The following ASXL3 variants were observed in gnomAD, a reference collection of about 807,000 sequenced individuals.
ASXL3 encodes ASXL transcriptional regulator 3, also known as putative Polycomb group protein ASXL3.
ASXL3 carries 34 observed loss-of-function variants against 170.6 expected under a neutral mutation model. The observed-to-expected ratio is 0.20, with a 90% CI of 0.15 to 0.27. The LOEUF is 0.27. Among genes scored for constraint, ASXL3 ranks in the 10% least tolerant of loss-of-function variants. The pLI is 1.00. For missense variants in ASXL3, 2,592 were observed against 2,695.3 expected, an observed-to-expected ratio of 0.96 and a Z score of 0.85; for synonymous variants, 1,002 against 989.1, an observed-to-expected ratio of 1.01 and a Z score of -0.24.
chr18:33,745,552 C>T lies in ASXL3; in HGVS notation c.5704C>T (p.Pro1902Ser). ...GGTCAAACAGCAAAAGCGGCTGCTC[C>T]CCTCGTGTAGCTTCCAGCAGAACCT... is the stretch of plus-strand genomic sequence containing the variant. ...PEVKQQKRLL[P>S]SCSFQQNLFH... The change falls in exon 12 of 12, where the codon CCC (proline) becomes TCC (serine). Residue 1902 changes from proline to serine, a missense_variant. Transcript: ENST00000269197. The T allele has an allele frequency of 2.5e-6, 4 of 1,613,960 alleles. No individual in the cohort carries two copies. The highest frequency in any genetic ancestry group is 3.4e-6 in the Non-Finnish European group (4 of 1,179,898).
At chr18:33,676,222 CAAAAAAA>C (rs568221465) in intron 7 of ASXL3, among the ~76,000 whole-genome samples, 7 of 41,730 alleles carry the variant, frequency 1.7e-4, no homozygotes, top group Admixed American at 1.7e-3. Context: ...GACTCCGTCT[CAAAAAAA>C]AAAAAAAAAA....
At chr18:33,590,243 G>A (rs1375545767) in intron 1 of ASXL3, among the ~76,000 whole-genome samples, 3 of 150,898 alleles carry the variant, frequency 2.0e-5, no homozygotes, top group Admixed American at 1.3e-4. Context: ...AGCCACGACA[G>A]CCTAAAGACA....
At chr18:33,687,083 A>G (rs537953700) in intron 8 of ASXL3, among the ~76,000 whole-genome samples, 1 of 152,290 alleles carries the variant, frequency 6.6e-6, no homozygotes, top group East Asian at 1.9e-4. Flanking sequence ...CAGCTATGAA[A>G]TGGGATTGTT....
In ASXL3 at chr18:33,589,164, G is replaced by C. The variant is rs538715156; in HGVS notation, c.54+10479G>C. Among the ~76,000 whole-genome samples the C allele has an allele frequency of 6.6e-5, 10 of 152,248 alleles. No homozygotes were observed. In the East Asian group the frequency reaches 9.6e-4, roughly 15 times the overall value. ...TGCCACTTACTATGTGTTTGACCTT[G>C]AGAAAGTTACATAACATCTCTCAAT... On this transcript the variant is annotated intron_variant, in intron 1 of 11. Coordinates refer to ENST00000269197, the MANE Select transcript of ASXL3 (RefSeq NM_030632.3).
intron 5 of ASXL3, among the ~76,000 whole-genome samples, chr18:33,666,283 T>TC (rs796618674): frequency 1.3e-3 from 205 of 152,158 alleles, no homozygotes; most frequent in African/African-American, 4.6e-3. Flanking sequence ...CTCATTTATA[T>TC]CCCCCCCTGA....
chr18:33,732,147 T>C (rs2067460264), intron 9 of ASXL3, 83 bp downstream of exon 9: 1 of 1,058,534 alleles, frequency 9.4e-7, no homozygotes, highest in Admixed American at 2.5e-5. Context: ...GATTTTTCAG[T>C]CTTTTCCCCG....
rs1051111101 is a variant in ASXL3 at position 33,744,573 on chromosome 18, C to T, written c.4725C>T (p.Pro1575=). The T allele has an allele frequency of 6.2e-7, 1 of 1,611,412 alleles. No homozygotes were observed. The highest frequency in any genetic ancestry group is 8.5e-7 in the Non-Finnish European group (1 of 1,179,034). The part of the protein sequence containing the change: ...VPDKLNEPTA[P]SHNFAEQARG... ...ATAAATTAAATGAGCCGACTGCTCC[C>T]AGTCATAACTTTGCTGAGCAGGCAC... The change falls in exon 12 of 12, where the codon CCC becomes CCT. Residue 1575 remains proline, a synonymous_variant. Transcript: ENST00000269197.
chr18:33,580,332 A>G (rs1217403439), intron 1 of ASXL3, among the ~76,000 whole-genome samples: 1 of 152,196 alleles, frequency 6.6e-6, no homozygotes, highest in Non-Finnish European at 1.5e-5. Context: ...AGCATAGTAC[A>G]TTACTTATTG....
chr18:33,624,300 T>C (rs911312566), intron 2 of ASXL3, among the ~76,000 whole-genome samples: 1 of 152,020 alleles, frequency 6.6e-6, no homozygotes, highest in Non-Finnish European at 1.5e-5. Flanking sequence ...ACTCAGCATT[T>C]TTTTTTTTTA....
At position 33,644,987 on chromosome 18, in the gene ASXL3, C is replaced by A; in HGVS notation, c.231C>A (p.Gly77=). 3 of 1,553,464 alleles carry A rather than the reference C, an allele frequency of 1.9e-6. No individual in the cohort carries two copies. The highest frequency in any genetic ancestry group is 2.3e-5 in the East Asian group (1 of 42,570). ...GTFFKIPGKS[G]LYALKKEESS... is the part of the protein sequence containing the mutation. ...TCTTCAAAATCCCTGGAAAGTCAGG[C>A]CTCTATGCTCTCAAAGTAAGTTGCA... Residue 77 remains glycine, a synonymous_variant, in exon 3 of 12, where the codon GGC becomes GGA. Transcript: ENST00000269197.
intron 1 of ASXL3, among the ~76,000 whole-genome samples, chr18:33,581,461 T>C (rs1014512040): frequency 7.5e-6 from 1 of 133,222 alleles, no homozygotes; most frequent in Non-Finnish European, 1.6e-5. Flanking sequence ...TATATCTTTC[T>C]TGCTGGAGTG....
At chr18:33,709,986 T>G (rs1316524693) in intron 8 of ASXL3, among the ~76,000 whole-genome samples, 1 of 152,150 alleles carries the variant, frequency 6.6e-6, no homozygotes, top group African/African-American at 2.4e-5. Context: ...CCGGGTGCGG[T>G]GGCTCATGCC....
At chr18:33,672,198 T>G (rs2066353885) in intron 7 of ASXL3, among the ~76,000 whole-genome samples, 1 of 152,168 alleles carries the variant, frequency 6.6e-6, no homozygotes, top group Non-Finnish European at 1.5e-5. Context: ...TTTCACTTTA[T>G]TGGAATATGC....
chr18:33,665,125 A>G (rs1403145411), intron 5 of ASXL3, among the ~76,000 whole-genome samples: 1 of 152,152 alleles, frequency 6.6e-6, no homozygotes, highest in East Asian at 1.9e-4. Context: ...AATTTTGGAA[A>G]TTTTAAACCG....
At chr18:33,609,371 A>T (rs996101387) in intron 2 of ASXL3, among the ~76,000 whole-genome samples, 1 of 152,012 alleles carries the variant, frequency 6.6e-6, no homozygotes, top group African/African-American at 2.4e-5. Flanking sequence ...CAGACGTTTG[A>T]AATTCGTTCA....
chr18:33,692,622 C>T (rs1367386817), intron 8 of ASXL3, among the ~76,000 whole-genome samples: 2 of 152,134 alleles, frequency 1.3e-5, no homozygotes, highest in African/African-American at 4.8e-5. Context: ...ACTATAGTCT[C>T]TGATTAACTT....
intron 8 of ASXL3, among the ~76,000 whole-genome samples, chr18:33,690,473 CA>C: frequency 6.6e-6 from 1 of 152,276 alleles, no homozygotes; most frequent in Admixed American, 6.5e-5. Context: ...AGACAAGGAA[CA>C]TCATGTAGAA....
intron 7 of ASXL3, among the ~76,000 whole-genome samples, chr18:33,677,233 TTAAA>T (rs1360945593): frequency 6.6e-6 from 1 of 152,122 alleles, no homozygotes; most frequent in African/African-American, 2.4e-5. Context: ...CACATACTCT[TTAAA>T]TAAATCAAAG....
At chr18:33,589,151 T>C (rs1599372307) in intron 1 of ASXL3, among the ~76,000 whole-genome samples, 1 of 152,204 alleles carries the variant, frequency 6.6e-6, no homozygotes, top group Non-Finnish European at 1.5e-5. Context: ...CCACTTACTA[T>C]GTGTTTGACC....
Sources: allele counts gnomAD v4.1 joint callset (sites outside exome capture counted in the v4.1 genomes callset), GRCh38; gene constraint gnomAD v4.1.1; transcripts MANE v1.5; gene names NCBI Gene and HGNC (gene_info 2026-07-23, HGNC 2026-07-21).